RBM44: variants seen among roughly 807,000 people sequenced by gnomAD.
RBM44 encodes the protein RNA binding motif protein 44.
Under a neutral mutation model 105.1 loss-of-function variants are expected in RBM44, and 66 were observed. The ratio of observed to expected loss-of-function variants is 0.63; its 90% confidence interval spans 0.52 to 0.77. The LOEUF (loss-of-function observed/expected upper bound fraction) is 0.77. Among genes scored for constraint, RBM44 ranks in the 30% least tolerant of loss-of-function variants. The probability of loss-of-function intolerance (pLI) is 0.00; values close to 1 mark genes in which losing one functional copy is unlikely to be tolerated. For synonymous variants in RBM44, 365 were observed against 417.6 expected, an observed-to-expected ratio of 0.87 and a Z score of 1.54; for missense variants, 1,122 against 1,207.8, an observed-to-expected ratio of 0.93 and a Z score of 1.05.
rs2062000898 is a variant in RBM44, at chr2:237,840,407, A to G, written c.*23-1432A>G. Among the ~76,000 whole-genome samples, 3 of 152,292 alleles carry G rather than the reference A, an allele frequency of 2.0e-5. 1 individual carries two copies. In the South Asian group the frequency reaches 6.2e-4, roughly 32 times the overall value. ...TAGACCCCTTCCTTATACCATATAC[A>G]AAAGTCAACTCAACATGGATTAAAG... On this transcript the variant is annotated intron_variant, in intron 15 of 15. Coordinates refer to ENST00000316997, the MANE Select transcript of RBM44 (RefSeq NM_001080504.3).
chr2:237,808,414 C>T (rs918813262), intron 1 of RBM44, among the ~76,000 whole-genome samples: 3 of 151,740 alleles, frequency 2.0e-5, no homozygotes, highest in African/African-American at 7.3e-5. Context: ...CGCCCCACTG[C>T]ACTCCAGCCT....
At chr2:237,799,602 G>A (rs1169060777) in intron 1 of RBM44, among the ~76,000 whole-genome samples, 5 of 152,154 alleles carry the variant, frequency 3.3e-5, no homozygotes, top group Non-Finnish European at 7.4e-5. Context: ...CACCGCGCCC[G>A]GCCAGGGCCT....
intron 1 of RBM44, 129 bp from the exon 2 acceptor site, chr2:237,813,463 C>A (rs1010566951): frequency 1.9e-6 from 1 of 533,864 alleles, no homozygotes. Context: ...CTTTTAGTGA[C>A]CTAATGCATT....
At chr2:237,832,098 TTTCAA>T (rs2061909831) in intron 13 of RBM44, among the ~76,000 whole-genome samples, 2 of 152,180 alleles carry the variant, frequency 1.3e-5, no homozygotes, top group African/African-American at 4.8e-5. Flanking sequence ...AACTCTGTAT[TTTCAA>T]TTCAAGTCCC....
At chr2:237,836,798 A>T (rs993309270) in intron 15 of RBM44, among the ~76,000 whole-genome samples, 1 of 149,576 alleles carries the variant, frequency 6.7e-6, no homozygotes, top group African/African-American at 2.5e-5. Context: ...AAAAAAAAAA[A>T]TTAAACCTTT....
At chr2:237,824,239 A>G (rs2061824081) in intron 9 of RBM44, 52 bp from the exon 10 acceptor site, 12 of 1,582,266 alleles carry the variant, frequency 7.6e-6, no homozygotes, top group Non-Finnish European at 9.5e-6. Flanking sequence ...GTAACTTTTC[A>G]GTGTGTTGGA....
chr2:237,812,910 A>G (rs559945470), intron 1 of RBM44, among the ~76,000 whole-genome samples: 1 of 152,316 alleles, frequency 6.6e-6, no homozygotes, highest in South Asian at 2.1e-4. Flanking sequence ...TTATGAATGT[A>G]CCAAATTCTT....
chr2:237,839,254 G>A (rs182469376), intron 15 of RBM44, among the ~76,000 whole-genome samples: 36 of 152,124 alleles, frequency 2.4e-4, no homozygotes, highest in African/African-American at 8.7e-4. Context: ...TTCTTTTTTT[G>A]GGTGTGGGGA....
At chr2:237,824,489 G>C in intron 10 of RBM44, 70 bp downstream of exon 10, 2 of 1,271,728 alleles carry the variant, frequency 1.6e-6, no homozygotes, top group Non-Finnish European at 2.2e-6. Context: ...ACCTGCTTCT[G>C]TGTTGTGTTG....
chr2:237,840,558 C>A (rs2062002172), intron 15 of RBM44, among the ~76,000 whole-genome samples: 1 of 151,940 alleles, frequency 6.6e-6, no homozygotes, highest in African/African-American at 2.4e-5. Flanking sequence ...GCAATTACAA[C>A]AAAAAAATTG....
Position 237,817,714 on chromosome 2 carries a change from G to C in RBM44, c.795G>C (p.Gln265His), listed in dbSNP as rs2061735484. ...QEESLHVSKF[Q>H]NSVMLREYHD... ...AGTCACTTCATGTCTCCAAATTTCA[G>C]AATTCTGTTATGTTAAGAGAATATC... Residue 265 changes from glutamine to histidine, a missense_variant, in exon 3 of 16, where the codon CAG (glutamine) becomes CAC (histidine). Gln to His is a conservative substitution (Grantham distance 24). This residue lies in a region of RBM44 where 918 missense variants were observed against 955.3 expected (regional missense o/e 0.96). Coordinates refer to ENST00000316997, the MANE Select transcript of RBM44 (RefSeq NM_001080504.3). 3 of 1,612,330 alleles carry C rather than the reference G, an allele frequency of 1.9e-6. No homozygotes were observed. The highest frequency in any genetic ancestry group is 1.7e-6 in the Non-Finnish European group (2 of 1,179,236).
rs1198644151 is a variant in RBM44 at position 237,817,016 on chromosome 2, GAA to G, written c.100_101del (p.Asn34PhefsTer9). 1 of 1,541,588 alleles carries G rather than the reference GAA, an allele frequency of 6.5e-7. No individual in the cohort carries two copies. Among genetic ancestry groups the G allele is most frequent in the African/African-American group, 1.4e-5 (1 of 71,754 alleles). On this transcript the variant is annotated frameshift_variant, in exon 3 of 16. Transcript: ENST00000316997. LOFTEE classifies it high-confidence loss of function. ...QKDKPSNPKK[E>X]NLLLSSNGCD... ...AGATAAACCTTCAAATCCAAAGAAAGAAAATTTGTTATTATCCTCCAATGGTT... is the reference window on the plus strand; with the variant it reads ...AGATAAACCTTCAAATCCAAAGAAAGAATTTGTTATTATCCTCCAATGGTT...
At position 237,823,348 on chromosome 2, in the gene RBM44, G is replaced by T. The variant is rs1033938154; in HGVS notation, c.2206-92G>T. ...TTTCAGAGCCCTCATTACTGTAAAG[G>T]CTGAATAATGCCAGTGAAGAGTACC... On this transcript the variant is annotated intron_variant, in intron 8 of 15. Transcript: ENST00000316997. The T allele has an allele frequency of 8.1e-6, 5 of 613,772 alleles. No homozygotes were observed. The Admixed American group carries it at 9.2e-5, about 11-fold the overall frequency. 38.0% of individuals were successfully genotyped at this position (613,772 alleles called of 1,614,324 possible). A position where few individuals can be genotyped will look rare whatever the true frequency, so the allele number is the denominator to read the frequency against.
In RBM44 at chr2:237,821,750, G is replaced by C. The variant is rs1291460321; in HGVS notation, c.2128G>C (p.Glu710Gln). The change falls in exon 8 of 16, where the codon GAA becomes CAA. Residue 710 changes from glutamate to glutamine, a missense_variant. Transcript: ENST00000316997. ...LMKKETHVFS[E>Q]ADAEQDNQRA... ...CTGAAATGTTCTTTTTAGCTTTTCA[G>C]AAGCAGATGCTGAACAAGATAATCA... 1 of 1,608,358 alleles carries C rather than the reference G, an allele frequency of 6.2e-7. No homozygotes were observed. The highest frequency in any genetic ancestry group is 2.2e-5 in the East Asian group (1 of 44,656).
At chr2:237,806,075 C>T (rs2061596864) in intron 1 of RBM44, among the ~76,000 whole-genome samples, 2 of 152,084 alleles carry the variant, frequency 1.3e-5, no homozygotes, top group Non-Finnish European at 2.9e-5. Flanking sequence ...TGACATCAGC[C>T]TTATTTATTT....
chr2:237,827,566 T>C, intron 12 of RBM44, 63 bp downstream of exon 12: 7 of 937,980 alleles, frequency 7.5e-6, no homozygotes, highest in East Asian at 2.6e-5. Context: ...AAAGGTTCTA[T>C]ACCAGATATC....
Position 237,817,724 on chromosome 2 carries a change from A to C in RBM44, c.805A>C (p.Met269Leu). The C allele has an allele frequency of 6.2e-7, 1 of 1,612,532 alleles. No homozygotes were observed. The highest frequency in any genetic ancestry group is 8.5e-7 in the Non-Finnish European group (1 of 1,179,236). Residue 269 changes from methionine to leucine, a missense_variant, in exon 3 of 16, where the codon ATG (methionine) becomes CTG (leucine). Transcript: ENST00000316997. ...LHVSKFQNSV[M>L]LREYHDLKHE... ...TGTCTCCAAATTTCAGAATTCTGTT[A>C]TGTTAAGAGAATATCATGACCTAAA...
chr2:237,812,426 C>A (rs1249341004), intron 1 of RBM44, among the ~76,000 whole-genome samples: 1 of 152,048 alleles, frequency 6.6e-6, no homozygotes, highest in Non-Finnish European at 1.5e-5. Context: ...AGTCTGTATT[C>A]TTATTGTCAT....
chr2:237,837,539 C>T (rs945025491), intron 15 of RBM44, among the ~76,000 whole-genome samples: 5 of 152,114 alleles, frequency 3.3e-5, no homozygotes, highest in African/African-American at 4.8e-5. Flanking sequence ...ACTGCTGATG[C>T]GGTAGACATA....
Sources: gnomAD v4.1 joint callset for allele counts (sites outside exome capture counted in the v4.1 genomes callset) on GRCh38, gnomAD v4.1.1 for gene constraint, gnomAD v4.1.1 regional missense constraint, MANE v1.5 for transcripts, NCBI Gene and HGNC (gene_info 2026-07-23, HGNC 2026-07-21) for gene names.